DNAI4: variants seen among roughly 807,000 people sequenced by gnomAD.
DNAI4 encodes dynein axonemal intermediate chain 4.
A neutral mutation model predicts 105.8 loss-of-function variants in DNAI4; 85 were observed. The ratio of observed to expected loss-of-function variants is 0.80; its 90% CI spans 0.67 to 0.96. The LOEUF is 0.96. Ranked by LOEUF, DNAI4 falls within the 40% of genes least tolerant of loss-of-function variation. The pLI, the probability that DNAI4 is intolerant of heterozygous loss-of-function variation, is 0.00. For missense variants in DNAI4, 1,014 were observed against 1,005.6 expected (o/e 1.01, Z -0.11); for synonymous variants, 352 against 331.5 (o/e 1.06, Z -0.67).
chr1:66,835,213 T>C (rs865966865), intron 11 of DNAI4, among the ~76,000 whole-genome samples: 5 of 122,488 alleles, frequency 4.1e-5, no homozygotes, highest in Non-Finnish European at 9.9e-5. Flanking sequence ...GATAGATAGA[T>C]AGATAGATAG....
At chr1:66,868,586 AGTGC>A (rs761570571) in intron 6 of DNAI4, among the ~76,000 whole-genome samples, 1 of 152,176 alleles carries the variant, frequency 6.6e-6, no homozygotes, top group Non-Finnish European at 1.5e-5. Flanking sequence ...CCCTGCCCTC[AGTGC>A]TCCTGGTTCT....
chr1:66,891,853 G>A (rs1424985856), intron 3 of DNAI4, among the ~76,000 whole-genome samples: 1 of 152,194 alleles, frequency 6.6e-6, no homozygotes, highest in Non-Finnish European at 1.5e-5. Context: ...CCAAAATACA[G>A]TCAACCTACC....
At chr1:66,867,814 G>A (rs1179865049) in intron 6 of DNAI4, among the ~76,000 whole-genome samples, 1 of 152,096 alleles carries the variant, frequency 6.6e-6, no homozygotes, top group African/African-American at 2.4e-5. Context: ...CTGTGTTACT[G>A]CAATAGTTGG....
At chr1:66,920,846 G>A (rs1650432794) in intron 1 of DNAI4, among the ~76,000 whole-genome samples, 1 of 152,218 alleles carries the variant, frequency 6.6e-6, no homozygotes, top group Non-Finnish European at 1.5e-5. Context: ...GACAGTAGAG[G>A]AAACTGATGC....
At chr1:66,839,648 A>G (rs540331013) in intron 9 of DNAI4, among the ~76,000 whole-genome samples, 1 of 152,346 alleles carries the variant, frequency 6.6e-6, no homozygotes, top group South Asian at 2.1e-4. Flanking sequence ...TATCTTCAGA[A>G]CCAGTTTATA....
chr1:66,898,295 G>A (rs1030329906), intron 2 of DNAI4, among the ~76,000 whole-genome samples: 1 of 152,146 alleles, frequency 6.6e-6, no homozygotes, highest in Non-Finnish European at 1.5e-5. Flanking sequence ...ATGTTGGAAT[G>A]AGTTAAGGCG....
intron 4 of DNAI4, among the ~76,000 whole-genome samples, chr1:66,884,826 C>T (rs951666500): frequency 2.6e-5 from 4 of 152,198 alleles, no homozygotes; most frequent in Non-Finnish European, 5.9e-5. Context: ...CCAAGGAATA[C>T]ATCCTGTGAC....
In DNAI4 at chr1:66,862,318, G is replaced by T. The variant is rs376383318; in HGVS notation, c.941-16C>A. 3 of 1,597,566 alleles carry T rather than the reference G, an allele frequency of 1.9e-6. No homozygotes were observed. The highest frequency in any genetic ancestry group is 1.7e-4 in the Middle Eastern group (1 of 6,016). On this transcript the variant is annotated splice_polypyrimidine_tract_variant and intron_variant, in intron 6 of 16. Coordinates refer to ENST00000371026, the MANE Select transcript of DNAI4 (RefSeq NM_024763.5). ...GACATTATGCCTAGATAAAGACACA[G>T]AAAGGTAAAAATTGTTTTAAACCAA...
chr1:66,864,038 G>A (rs762104876), intron 6 of DNAI4, among the ~76,000 whole-genome samples: 1 of 151,986 alleles, frequency 6.6e-6, no homozygotes, highest in Non-Finnish European at 1.5e-5. Flanking sequence ...AAATAAATAC[G>A]CCTATTATAA....
chr1:66,870,580 A>G (rs1038487299), intron 6 of DNAI4, among the ~76,000 whole-genome samples: 4 of 151,066 alleles, frequency 2.6e-5, no homozygotes, highest in African/African-American at 9.7e-5. Context: ...GTGAAAACCC[A>G]TCTCTATAAA....
At chr1:66,833,730 T>C in intron 12 of DNAI4, 24 bp from the exon 13 acceptor site, 2 of 1,606,278 alleles carry the variant, frequency 1.2e-6, no homozygotes, top group Non-Finnish European at 1.7e-6. Context: ...AAAACATATA[T>C]AACTTGTTAT....
At chr1:66,898,434 A>G (rs1364678381) in intron 2 of DNAI4, among the ~76,000 whole-genome samples, 2 of 152,178 alleles carry the variant, frequency 1.3e-5, no homozygotes, top group Non-Finnish European at 2.9e-5. Flanking sequence ...CCCTAATGCA[A>G]TAGTGTTGAG....
intron 13 of DNAI4, among the ~76,000 whole-genome samples, chr1:66,829,336 TAA>T (rs1327674323): frequency 6.6e-5 from 10 of 151,954 alleles, no homozygotes; most frequent in Admixed American, 3.9e-4. Flanking sequence ...AATTTAAGTA[TAA>T]AGAGACAAAT....
chr1:66,814,283 T>C (rs1325319764), intron 16 of DNAI4, 103 bp from the exon 17 acceptor site: 2 of 797,752 alleles, frequency 2.5e-6, no homozygotes, highest in Non-Finnish European at 2.0e-6. Flanking sequence ...GTGATACACA[T>C]ATCCAATAAG....
At chr1:66,814,663 T>C (rs190963632) in intron 16 of DNAI4, among the ~76,000 whole-genome samples, 1,540 of 152,310 alleles carry the variant, frequency 0.01, 22 homozygotes, top group Non-Finnish European at 9.4e-3. Context: ...CCACCGCGCC[T>C]GGCCAAAAGA....
intron 4 of DNAI4, among the ~76,000 whole-genome samples, chr1:66,886,595 A>G (rs540665284): frequency 2.6e-5 from 4 of 152,222 alleles, no homozygotes; most frequent in African/African-American, 9.6e-5. Context: ...GAGAAAGCCT[A>G]TGTCTTGCAA....
chr1:66,897,709 C>T (rs944789121), intron 2 of DNAI4, among the ~76,000 whole-genome samples: 1 of 152,232 alleles, frequency 6.6e-6, no homozygotes, highest in Non-Finnish European at 1.5e-5. Flanking sequence ...GTGCCCACTA[C>T]TCCAGAAGAT....
intron 2 of DNAI4, among the ~76,000 whole-genome samples, chr1:66,900,145 T>C (rs1648686353): frequency 6.6e-6 from 1 of 152,138 alleles, no homozygotes; most frequent in South Asian, 2.1e-4. Flanking sequence ...TCTTGGCTTA[T>C]GGCAACTTCT....
At chr1:66,893,073 GAAAGAAAGAAAGAAAGAA>G (rs998737263) in intron 3 of DNAI4, among the ~76,000 whole-genome samples, 138 bp downstream of exon 3, 7 of 135,956 alleles carry the variant, frequency 5.1e-5, no homozygotes, top group African/African-American at 1.8e-4. Context: ...GAGAAAGAAA[GAAAGAAAGAAAGAAAGAA>G]AGAAAGAAAG....
Sources: gnomAD v4.1 joint callset for allele counts (sites outside exome capture counted in the v4.1 genomes callset) on GRCh38, gnomAD v4.1.1 for gene constraint, MANE v1.5 for transcripts, NCBI Gene and HGNC (gene_info 2026-07-23, HGNC 2026-07-21) for gene names.